The following BAZ2B variants were observed in gnomAD, a reference collection of about 807,000 sequenced individuals.
The protein encoded by BAZ2B is bromodomain adjacent to zinc finger domain protein 2B.
A neutral mutation model predicts 246.0 loss-of-function variants in BAZ2B; 91 were observed. That is an observed-to-expected ratio of 0.37 (90% CI 0.31 to 0.44). The LOEUF is 0.44. Among genes scored for constraint, BAZ2B ranks in the 20% least tolerant of loss-of-function variants. BAZ2B has a pLI of 1.00. For synonymous variants in BAZ2B, 855 were observed against 860.0 expected, an observed-to-expected ratio of 0.99 and a Z score of 0.10; for missense variants, 2,332 against 2,533.7, an observed-to-expected ratio of 0.92 and a Z score of 1.71.
At chr2:159,436,889 C>G (rs904684717) in intron 8 of BAZ2B, among the ~76,000 whole-genome samples, 1 of 152,094 alleles carries the variant, frequency 6.6e-6, no homozygotes, top group African/African-American at 2.4e-5. Context: ...CTGAAGGATT[C>G]AATGATTAAA....
At chr2:159,700,494 G>A in the BAZ2B span, among the ~76,000 whole-genome samples, 1 of 152,240 alleles carries the variant, frequency 6.6e-6, no homozygotes, top group Non-Finnish European at 1.5e-5. Context: ...CGCCCAGGCA[G>A]GAGTGCAGTG....
chr2:159,480,582 G>GCACA (rs146050290), intron 2 of BAZ2B, among the ~76,000 whole-genome samples: 2 of 150,492 alleles, frequency 1.3e-5, no homozygotes, highest in African/African-American at 4.9e-5. Context: ...GTGTGCGCGT[G>GCACA]CACACACACA....
chr2:159,481,453 T>G (rs1367320440), intron 2 of BAZ2B, among the ~76,000 whole-genome samples: 2 of 150,736 alleles, frequency 1.3e-5, no homozygotes, highest in South Asian at 2.1e-4. Context: ...AAAAACAAAA[T>G]AAAATAATAT....
intron 3 of BAZ2B, among the ~76,000 whole-genome samples, chr2:159,474,881 G>GC (rs879114443): frequency 2.0e-4 from 30 of 152,218 alleles, no homozygotes; most frequent in African/African-American, 7.0e-4. Context: ...TTGAATATTG[G>GC]CCCCCACTCT....
At chr2:159,442,610 T>C (rs1303924958) in intron 6 of BAZ2B, among the ~76,000 whole-genome samples, 1 of 152,220 alleles carries the variant, frequency 6.6e-6, no homozygotes. Context: ...ATCAGTGCTA[T>C]CCATCCTATA....
chr2:159,620,376 G>A (rs895978864), upstream of BAZ2B, among the ~76,000 whole-genome samples: 34 of 152,212 alleles, frequency 2.2e-4, no homozygotes, highest in African/African-American at 7.9e-4. Flanking sequence ...TATATGCTAC[G>A]CGCTATGCTA....
At chr2:159,611,699 G>T (rs893205947) in intron 1 of BAZ2B, among the ~76,000 whole-genome samples, 1 of 151,738 alleles carries the variant, frequency 6.6e-6, no homozygotes, top group Non-Finnish European at 1.5e-5. Context: ...GCTCTTTGAA[G>T]AATTATTTAA....
chr2:159,618,674 A>C (rs1696310428), upstream of BAZ2B, among the ~76,000 whole-genome samples: 1 of 152,168 alleles, frequency 6.6e-6, no homozygotes, highest in South Asian at 2.1e-4. Flanking sequence ...AAAGTATTGA[A>C]TATTAATGTT....
In BAZ2B at chr2:159,478,805, T is replaced by A. The variant is rs1229749511; in HGVS notation, c.-2-84A>T. On this transcript the variant is annotated intron_variant, in intron 2 of 36. Coordinates refer to ENST00000392783, the MANE Select transcript of BAZ2B (RefSeq NM_013450.4). ...TCAACATAAACTTTTTGTATACTTT[T>A]AAAAATATAAAATAAATTTCTAAAT... The A allele has an allele frequency of 4.1e-6, 4 of 967,046 alleles. No individual in the cohort carries two copies. The South Asian group carries it at 1.1e-4, about 26-fold the overall frequency. 59.9% of individuals were successfully genotyped at this position (967,046 alleles called of 1,614,324 possible). A position where few individuals can be genotyped will look rare whatever the true frequency, so the allele number is the denominator to read the frequency against.
At position 159,445,378 on chromosome 2, in the gene BAZ2B, G is replaced by A. The variant is rs116247375; in HGVS notation, c.696+1404C>T. Reference sequence around the variant, plus strand: ...TGTAGGGAATATGTACTTTTTGTAGGGCTAAGGTAGAGTAATGAAATAAAG... The same window carrying A: ...TGTAGGGAATATGTACTTTTTGTAGAGCTAAGGTAGAGTAATGAAATAAAG... On this transcript the variant is annotated intron_variant, in intron 6 of 36. Transcript: ENST00000392783. Among the ~76,000 whole-genome samples, 590 of 152,164 alleles carry A rather than the reference G, an allele frequency of 3.9e-3. 3 individuals carry two copies. Among genetic ancestry groups the A allele is most frequent in the African/African-American group, 0.013 (557 of 41,528 alleles).
intron 19 of BAZ2B, chr2:159,397,008 A>G (rs1474126902): frequency 3.8e-5 from 47 of 1,247,516 alleles, no homozygotes; most frequent in Middle Eastern, 4.3e-4. Context: ...ATGCATTGCT[A>G]TGACAACCAT....
upstream of BAZ2B, among the ~76,000 whole-genome samples, chr2:159,619,395 T>C (rs1055447327): frequency 1.3e-5 from 2 of 151,740 alleles, no homozygotes; most frequent in African/African-American, 4.8e-5. Context: ...ATTTTTATTA[T>C]GAAGGGCTCG....
chr2:159,412,629 A>T, intron 13 of BAZ2B, 84 bp from the exon 14 acceptor site: 1 of 1,332,910 alleles, frequency 7.5e-7, no homozygotes, highest in Non-Finnish European at 1.0e-6. Context: ...TCTAGCTAAA[A>T]ATCACATATA....
At chr2:159,575,815 GAAA>G (rs1218924670) in intron 1 of BAZ2B, among the ~76,000 whole-genome samples, 1 of 151,816 alleles carries the variant, frequency 6.6e-6, no homozygotes. Context: ...ATTTTCAAAA[GAAA>G]AAAATTTTAA....
chr2:159,515,927 C>G (rs1032705623), intron 2 of BAZ2B, among the ~76,000 whole-genome samples: 1 of 151,888 alleles, frequency 6.6e-6, no homozygotes, highest in East Asian at 1.9e-4. Context: ...AAAAAATAAT[C>G]TTTTTACTAC....
chr2:159,562,748 T>C (rs1475343280), intron 1 of BAZ2B, among the ~76,000 whole-genome samples: 1 of 152,202 alleles, frequency 6.6e-6, no homozygotes, highest in East Asian at 1.9e-4. Context: ...GTTAAACCTT[T>C]AGGAATTAAG....
chr2:159,705,017 GT>G, the BAZ2B span, among the ~76,000 whole-genome samples: 102 of 139,918 alleles, frequency 7.3e-4, no homozygotes, highest in Admixed American at 6.4e-4. Flanking sequence ...TTTTTGGTTT[GT>G]TTTTTTTTTT....
chr2:159,551,598 T>G (rs73008666), intron 2 of BAZ2B, among the ~76,000 whole-genome samples: 2,255 of 152,142 alleles, frequency 0.015, 57 homozygotes, highest in African/African-American at 0.052. Flanking sequence ...CAAGACTGCA[T>G]GTAAATGCAA....
the BAZ2B span, among the ~76,000 whole-genome samples, chr2:159,647,272 T>C: frequency 1.8e-4 from 28 of 152,270 alleles, no homozygotes; most frequent in African/African-American, 5.1e-4. Flanking sequence ...GGAGAGACAA[T>C]AGTTTAAGTC....
Sources: gnomAD v4.1 joint callset for allele counts (sites outside exome capture counted in the v4.1 genomes callset) on GRCh38, gnomAD v4.1.1 for gene constraint, MANE v1.5 for transcripts, NCBI Gene and HGNC (gene_info 2026-07-23, HGNC 2026-07-21) for gene names.